Variants in NAA11 observed in about 807,000 individuals in gnomAD.
NAA11 encodes the protein N-alpha-acetyltransferase 11, NatA catalytic subunit.
A neutral mutation model predicts 16.1 loss-of-function variants in NAA11; 15 were observed. The observed-to-expected ratio is 0.93, with a 90% CI of 0.62 to 1.44. The LOEUF is 1.44. Ranked by LOEUF, NAA11 falls within the 40% of genes most tolerant of loss-of-function variation. The pLI is 0.00. For synonymous variants in NAA11, 122 were observed against 112.4 expected (o/e 1.09, Z -0.54); for missense variants, 298 against 291.3 (o/e 1.02, Z -0.17).
chr4:79,228,759 T>G (rs1721386740), intron 2 of NAA11, among the ~76,000 whole-genome samples: 1 of 152,006 alleles, frequency 6.6e-6, no homozygotes, highest in Non-Finnish European at 1.5e-5. Context: ...ATGAATACAG[T>G]TTCTATAAAC....
intron 1 of NAA11, among the ~76,000 whole-genome samples, chr4:79,318,217 T>C (rs1019458162): frequency 2.6e-5 from 4 of 152,340 alleles, no homozygotes; most frequent in Non-Finnish European, 5.9e-5. Flanking sequence ...ATGAAAGGCC[T>C]TTTTAGCTCT....
At chr4:79,315,178 G>C (rs1723890769), downstream of NAA11, among the ~76,000 whole-genome samples, 1 of 151,084 alleles carries the variant, frequency 6.6e-6, no homozygotes, top group African/African-American at 2.4e-5. Context: ...AGATACTCAG[G>C]CCCCACCAGA....
the NAA11 span, among the ~76,000 whole-genome samples, chr4:79,168,026 CT>C: frequency 6.6e-6 from 1 of 152,054 alleles, no homozygotes; most frequent in Non-Finnish European, 1.5e-5. Flanking sequence ...CCCTAGCCCC[CT>C]ACCCCCCAAC....
At chr4:79,192,718 T>C in the NAA11 span, among the ~76,000 whole-genome samples, 1 of 151,932 alleles carries the variant, frequency 6.6e-6, no homozygotes, top group South Asian at 2.1e-4. Flanking sequence ...AGCAGCATGA[T>C]TTATAATCCT....
intron 2 of NAA11, among the ~76,000 whole-genome samples, chr4:79,293,267 T>C (rs1450665855): frequency 6.6e-6 from 1 of 152,192 alleles, no homozygotes. Context: ...GTTACCTTAG[T>C]GTTTAAAAAC....
In NAA11 at chr4:79,274,336, G is replaced by C. The variant is rs562270114; in HGVS notation, c.*122+19669C>G. ...GTGAAGAACAAGAGGTGAAGTACAGGGGGGAAAGGCTTTACCTGAAATTTA... is the reference window on the plus strand; with the variant it reads ...GTGAAGAACAAGAGGTGAAGTACAGCGGGGAAAGGCTTTACCTGAAATTTA... On this transcript the variant is annotated intron_variant and NMD_transcript_variant, in intron 2 of 2. Coordinates refer to the NAA11 transcript ENST00000511542. 4.6e-5 allele frequency among the ~76,000 whole-genome samples: 7 copies of C among 152,138 alleles called. No homozygotes were observed. The East Asian group carries it at 5.8e-4, about 13-fold the overall frequency.
intron 2 of NAA11, among the ~76,000 whole-genome samples, chr4:79,288,139 G>C (rs1477609816): frequency 6.6e-6 from 1 of 152,146 alleles, no homozygotes; most frequent in African/African-American, 2.4e-5. Context: ...TCTTCTCTTA[G>C]TAGCTTTCGA....
chr4:79,313,000 G>C (rs1436527079), downstream of NAA11, among the ~76,000 whole-genome samples: 1 of 152,108 alleles, frequency 6.6e-6, no homozygotes, highest in African/African-American at 2.4e-5. Context: ...TAGAAAGTTG[G>C]CTTGCTATAT....
the NAA11 span, among the ~76,000 whole-genome samples, chr4:79,187,213 A>G: frequency 6.6e-6 from 1 of 152,322 alleles, no homozygotes; most frequent in South Asian, 2.1e-4. Context: ...TGGGCTGAAT[A>G]ACAGATATCA....
At chr4:79,311,978 T>C (rs1315825594), downstream of NAA11, among the ~76,000 whole-genome samples, 1 of 152,172 alleles carries the variant, frequency 6.6e-6, no homozygotes, top group Non-Finnish European at 1.5e-5. Flanking sequence ...CTAAGAGCAG[T>C]TCTATGGGGC....
At chr4:79,228,081 T>G (rs936520305) in intron 2 of NAA11, 3 of 152,048 alleles carry the variant, frequency 2.0e-5, no homozygotes, top group African/African-American at 7.2e-5. Flanking sequence ...ACTGTGTGCC[T>G]ATTGCTCAAT....
At chr4:79,224,489 T>C (rs1721268655), downstream of NAA11, among the ~76,000 whole-genome samples, 1 of 152,102 alleles carries the variant, frequency 6.6e-6, no homozygotes, top group Admixed American at 6.6e-5. Flanking sequence ...GATTCTATGA[T>C]TCTACAAAAA....
the NAA11 span, among the ~76,000 whole-genome samples, chr4:79,183,107 C>T: frequency 2.6e-5 from 4 of 152,068 alleles, no homozygotes; most frequent in Admixed American, 6.5e-5. Context: ...AAAGCAACTG[C>T]GTAGATCCTA....
chr4:79,303,074 T>TAGATATATATA (rs1560462860), intron 1 of NAA11, among the ~76,000 whole-genome samples: 3 of 72,284 alleles, frequency 4.2e-5, no homozygotes, highest in African/African-American at 2.2e-4. Flanking sequence ...TCTTGAGGCC[T>TAGATATATATA]TTTATATATA....
At chr4:79,217,462 T>G in the NAA11 span, among the ~76,000 whole-genome samples, 2 of 152,026 alleles carry the variant, frequency 1.3e-5, no homozygotes, top group African/African-American at 4.8e-5. Context: ...TTTGGCAGAG[T>G]AAATAGAAAA....
At chr4:79,220,116 G>A in the NAA11 span, among the ~76,000 whole-genome samples, 3 of 152,094 alleles carry the variant, frequency 2.0e-5, no homozygotes, top group Admixed American at 1.3e-4. Context: ...TTTTTGAGAC[G>A]GAGTCTCATT....
chr4:79,196,955 C>T, the NAA11 span, among the ~76,000 whole-genome samples: 1 of 86,168 alleles, frequency 1.2e-5, no homozygotes, highest in Non-Finnish European at 2.1e-5. Flanking sequence ...ATGAAAAAGA[C>T]AAAAAAAAAA....
At chr4:79,219,280 T>C in the NAA11 span, among the ~76,000 whole-genome samples, 1 of 152,160 alleles carries the variant, frequency 6.6e-6, no homozygotes, top group African/African-American at 2.4e-5. Flanking sequence ...GCTTTAATTA[T>C]GCCATCCTCA....
At chr4:79,298,880 A>T (rs1032303997) in intron 1 of NAA11, 2 of 152,258 alleles carry the variant, frequency 1.3e-5, no homozygotes, top group African/African-American at 4.8e-5. Context: ...AAATGTTAAC[A>T]GTTTAATAAC....
Sources: allele counts gnomAD v4.1 joint callset (sites outside exome capture counted in the v4.1 genomes callset), GRCh38; gene constraint gnomAD v4.1.1; transcripts MANE v1.5; gene names NCBI Gene and HGNC (gene_info 2026-07-23, HGNC 2026-07-21).